Variants in NAV3 observed in about 807,000 individuals in gnomAD.
NAV3 encodes neuron navigator 3, also known as pore membrane and/or filament interacting like protein 1.
In NAV3, 87 loss-of-function variants were observed where a neutral mutation model predicts 244.7. The ratio of observed to expected loss-of-function variants is 0.36; its 90% CI spans 0.30 to 0.42. NAV3 has a LOEUF of 0.42. NAV3 is among the 20% of genes least tolerant of loss of function. The pLI is 1.00. For missense variants in NAV3, 2,663 were observed against 2,893.3 expected (o/e 0.92, Z 1.83); for synonymous variants, 1,126 against 1,042.2 (o/e 1.08, Z -1.55).
At chr12:77,726,043 C>T (rs1876861883) in intron 2 of NAV3, among the ~76,000 whole-genome samples, 1 of 146,964 alleles carries the variant, frequency 6.8e-6, no homozygotes, top group Non-Finnish European at 1.5e-5. Context: ...GGACAAACTC[C>T]TTACTTTGAG....
At chr12:78,003,594 T>G (rs1873700893) in intron 7 of NAV3, among the ~76,000 whole-genome samples, 1 of 152,236 alleles carries the variant, frequency 6.6e-6, no homozygotes, top group Admixed American at 6.5e-5. Context: ...CTCAGACTGA[T>G]ACCACTCTTG....
At chr12:77,881,266 T>C (rs529666839) in intron 1 of NAV3, among the ~76,000 whole-genome samples, 1 of 152,294 alleles carries the variant, frequency 6.6e-6, no homozygotes, top group African/African-American at 2.4e-5. Context: ...TGTTTTAAGA[T>C]TGGTCTGTCT....
At chr12:77,699,187 G>C (rs1161389382) in intron 2 of NAV3, among the ~76,000 whole-genome samples, 4 of 152,056 alleles carry the variant, frequency 2.6e-5, no homozygotes, top group Non-Finnish European at 5.9e-5. Context: ...AGACACGCTG[G>C]CTGTCTAGGG....
chr12:78,127,095 C>T (rs1408325237), intron 16 of NAV3, 72 bp from the exon 17 acceptor site: 2 of 1,484,072 alleles, frequency 1.3e-6, no homozygotes, highest in Non-Finnish European at 1.9e-6. Flanking sequence ...TTCAGAGAAC[C>T]ATTTTTGTTG....
At chr12:78,029,196 AT>A (rs1593321470) in intron 9 of NAV3, among the ~76,000 whole-genome samples, 1 of 149,240 alleles carries the variant, frequency 6.7e-6, no homozygotes, top group Admixed American at 6.7e-5. Flanking sequence ...AAAAAAAAAA[AT>A]ACTTTCAGAG....
chr12:78,005,389 C>T (rs564224956), intron 7 of NAV3, among the ~76,000 whole-genome samples: 63 of 152,156 alleles, frequency 4.1e-4, no homozygotes, highest in Non-Finnish European at 7.8e-4. Context: ...TAAGAAACAG[C>T]CCTTTAAAAC....
chr12:77,795,880 A>G (rs1477465444), intron 2 of NAV3, among the ~76,000 whole-genome samples: 1 of 152,198 alleles, frequency 6.6e-6, no homozygotes, highest in East Asian at 1.9e-4. Context: ...TGAATATTTT[A>G]AGCCTACTTT....
chr12:77,639,614 T>C (rs17044004), intron 2 of NAV3, among the ~76,000 whole-genome samples: 31,514 of 152,022 alleles, frequency 0.21, 3,798 homozygotes, highest in African/African-American at 0.33. Context: ...ACACATTTAT[T>C]ATTTGTCTTT....
chr12:78,197,620 C>T (rs1959196151), intron 35 of NAV3, among the ~76,000 whole-genome samples: 2 of 151,702 alleles, frequency 1.3e-5, no homozygotes, highest in Non-Finnish European at 1.5e-5. Flanking sequence ...TGTGAACTAC[C>T]TCAGTAGTTA....
At chr12:77,786,957 G>T (rs917820238) in intron 2 of NAV3, among the ~76,000 whole-genome samples, 2 of 152,004 alleles carry the variant, frequency 1.3e-5, no homozygotes, top group Non-Finnish European at 2.9e-5. Flanking sequence ...CCAAGAAAAA[G>T]AGCCTTGTTG....
intron 12 of NAV3, among the ~76,000 whole-genome samples, chr12:78,079,939 T>G (rs940470235): frequency 1.3e-5 from 2 of 152,218 alleles, no homozygotes; most frequent in Non-Finnish European, 2.9e-5. Context: ...TAATCGAAGA[T>G]ATTGTATCCT....
chr12:77,633,100 T>C (rs1004101934), intron 2 of NAV3, among the ~76,000 whole-genome samples: 8 of 152,134 alleles, frequency 5.3e-5, no homozygotes, highest in Admixed American at 4.6e-4. Flanking sequence ...GATTTTTAGA[T>C]AATATGCTAG....
chr12:78,132,386 C>T (rs753987855), intron 18 of NAV3, among the ~76,000 whole-genome samples: 1 of 152,132 alleles, frequency 6.6e-6, no homozygotes. Flanking sequence ...GGGTTTCCCC[C>T]CTTAATCTAT....
At chr12:77,898,331 G>A (rs1255350012) in intron 1 of NAV3, among the ~76,000 whole-genome samples, 1 of 152,052 alleles carries the variant, frequency 6.6e-6, no homozygotes, top group Non-Finnish European at 1.5e-5. Context: ...TGGCAAAAAT[G>A]TAGTATATAA....
At chr12:77,586,316 A>G (rs925823827) in intron 2 of NAV3, among the ~76,000 whole-genome samples, 19 of 152,242 alleles carry the variant, frequency 1.2e-4, no homozygotes, top group Admixed American at 6.5e-5. Context: ...ACTTTCCCAG[A>G]TAAGAAAATG....
intron 39 of NAV3, among the ~76,000 whole-genome samples, chr12:78,208,429 A>G (rs892052894): frequency 3.3e-5 from 5 of 152,194 alleles, no homozygotes; most frequent in African/African-American, 1.2e-4. Flanking sequence ...CGCAAACCAT[A>G]GCAGTGAGTG....
intron 12 of NAV3, among the ~76,000 whole-genome samples, chr12:78,090,086 T>A (rs1461259953): frequency 6.6e-6 from 1 of 151,920 alleles, no homozygotes; most frequent in Non-Finnish European, 1.5e-5. Context: ...ATGTCTCTTA[T>A]CTCCAGTATG....
rs538026481 is a variant in NAV3, at chr12:78,144,392, TA to T, written c.4684-1967del. 5.0e-3 allele frequency among the ~76,000 whole-genome samples: 746 copies of T among 149,684 alleles called. 11 individuals are homozygous for T. Among genetic ancestry groups the T allele is most frequent in the Non-Finnish European group, 7.1e-3 (476 of 67,238 alleles). The stretch of plus-strand genomic sequence containing the variant: ...CATTGGGCTTGCTCAAAACCATTGT[TA>T]AAAAAAAAATGGCAAATAATCCAGT... On this transcript the variant is annotated intron_variant, in intron 20 of 39. Transcript: ENST00000397909.
At chr12:78,058,780 T>C (rs1190388270) in intron 11 of NAV3, among the ~76,000 whole-genome samples, 1 of 152,148 alleles carries the variant, frequency 6.6e-6, no homozygotes, top group Admixed American at 6.6e-5. Flanking sequence ...CTAGGAAATA[T>C]TGATACAAAT....
Sources: gnomAD v4.1 joint callset for allele counts (sites outside exome capture counted in the v4.1 genomes callset) on GRCh38, gnomAD v4.1.1 for gene constraint, MANE v1.5 for transcripts, NCBI Gene and HGNC (gene_info 2026-07-23, HGNC 2026-07-21) for gene names.